Variants in UCHL3 observed in about 807,000 individuals in gnomAD.
UCHL3 encodes the protein ubiquitin carboxyl-terminal hydrolase isozyme L3.
In UCHL3, 22 loss-of-function variants were observed where a neutral mutation model predicts 35.8. That is an observed-to-expected ratio of 0.61 (90% confidence interval 0.44 to 0.88). The LOEUF is 0.88. UCHL3 is among the 40% of genes least tolerant of loss of function. UCHL3 has a pLI of 0.00. For missense variants in UCHL3, 229 were observed against 276.9 expected (o/e 0.83, Z 1.23); for synonymous variants, 90 against 92.8 (o/e 0.97, Z 0.17).
At chr13:75,605,104 A>G (rs961155771) in intron 8 of UCHL3, among the ~76,000 whole-genome samples, 3 of 152,244 alleles carry the variant, frequency 2.0e-5, no homozygotes, top group Non-Finnish European at 2.9e-5. Context: ...CCAGGATACC[A>G]TTAATTGTAT....
chr13:75,561,778 T>C (rs2031503734), intron 3 of UCHL3, among the ~76,000 whole-genome samples: 1 of 150,000 alleles, frequency 6.7e-6, no homozygotes, highest in Admixed American at 6.7e-5. Context: ...TGTGTATGTT[T>C]CTGTGTGTGT....
At chr13:75,590,526 A>C (rs1336535920) in intron 6 of UCHL3, among the ~76,000 whole-genome samples, 1 of 151,824 alleles carries the variant, frequency 6.6e-6, no homozygotes, top group Non-Finnish European at 1.5e-5. Context: ...CTATTACTTT[A>C]TTATTATTAT....
rs1442377975 is a variant in UCHL3 at position 75,590,155 on chromosome 13, T to G, written c.475-4760T>G. 7 of 1,288,272 alleles carry G rather than the reference T, an allele frequency of 5.4e-6. No homozygotes were observed. In the East Asian group the frequency reaches 3.9e-4, roughly 72 times the overall value. 79.8% of individuals were successfully genotyped at this position (1,288,272 alleles called of 1,614,324 possible). A position where few individuals can be genotyped will look rare whatever the true frequency, so the allele number is the denominator to read the frequency against. On this transcript the variant is annotated intron_variant, in intron 6 of 8. Transcript: ENST00000377595. ...GTAAGTTTAGTCAATCTTCCGTCTC[T>G]TCTTCCAGTGACAAGGGCTGTCTTT...
intron 2 of UCHL3, among the ~76,000 whole-genome samples, chr13:75,553,843 C>T (rs953876902): frequency 1.3e-5 from 2 of 152,146 alleles, no homozygotes; most frequent in Non-Finnish European, 2.9e-5. Context: ...TGCTCTAAAC[C>T]CTTTTCTTCC....
At chr13:75,569,797 C>G (rs368148784) in intron 6 of UCHL3, among the ~76,000 whole-genome samples, 1 of 152,206 alleles carries the variant, frequency 6.6e-6, no homozygotes, top group Admixed American at 6.5e-5. Flanking sequence ...TGTGTCTTCC[C>G]TATCAGATTC....
chr13:75,591,675 C>G (rs938346418), intron 6 of UCHL3, among the ~76,000 whole-genome samples: 3 of 152,100 alleles, frequency 2.0e-5, no homozygotes, highest in African/African-American at 7.2e-5. Flanking sequence ...GCACACTGCT[C>G]GGGTTTGAAT....
intron 6 of UCHL3, among the ~76,000 whole-genome samples, chr13:75,570,009 C>G (rs536852397): frequency 6.6e-6 from 1 of 152,270 alleles, no homozygotes; most frequent in African/African-American, 2.4e-5. Context: ...CCTTCTCTTG[C>G]CTCTTTTTTC....
chr13:75,573,955 C>T (rs1000343889), intron 6 of UCHL3, among the ~76,000 whole-genome samples: 6 of 152,286 alleles, frequency 3.9e-5, no homozygotes, highest in Admixed American at 2.6e-4. Context: ...CGGTGGCTCA[C>T]GCCTGTAATC....
chr13:75,580,547 G>A (rs1593745789), intron 6 of UCHL3, among the ~76,000 whole-genome samples: 1 of 152,260 alleles, frequency 6.6e-6, no homozygotes, highest in Non-Finnish European at 1.5e-5. Context: ...CAGCGGTCTT[G>A]TCCTCTCCCT....
Position 75,568,363 on chromosome 13 carries a change from TA to T in UCHL3, c.426+1060del, listed in dbSNP as rs978692928. On this transcript the variant is annotated intron_variant, in intron 5 of 8. Transcript: ENST00000377595. ...GAGAATTTTAAATTGTTTTTTTCTT[TA>T]AAAAAAAACTGGAGACTTCATAAAA... Among the ~76,000 whole-genome samples the T allele has an allele frequency of 4.6e-5, 7 of 150,838 alleles. No individual in the cohort carries two copies. In the East Asian group the frequency reaches 1.2e-3, roughly 25 times the overall value.
intron 2 of UCHL3, among the ~76,000 whole-genome samples, chr13:75,559,184 C>T (rs986342963): frequency 1.3e-5 from 2 of 151,944 alleles, no homozygotes; most frequent in East Asian, 1.9e-4. Context: ...GGAATACAGG[C>T]GCCAGCCACC....
At chr13:75,592,431 T>TGTATATACGTATATAC (rs1566227907) in intron 6 of UCHL3, among the ~76,000 whole-genome samples, 6 of 89,732 alleles carry the variant, frequency 6.7e-5, no homozygotes, top group Admixed American at 1.1e-4. Context: ...TATATATATA[T>TGTATATACGTATATAC]ATATATATAT....
chr13:75,555,419 C>A (rs1378253919), intron 2 of UCHL3, among the ~76,000 whole-genome samples: 2 of 152,156 alleles, frequency 1.3e-5, no homozygotes, highest in African/African-American at 4.8e-5. Context: ...AGCAGGGATG[C>A]GTCTGAAGTA....
chr13:75,592,188 A>G (rs2032493956), intron 6 of UCHL3, among the ~76,000 whole-genome samples: 1 of 151,192 alleles, frequency 6.6e-6, no homozygotes, highest in Admixed American at 6.6e-5. Context: ...TCACTTTTTA[A>G]TTCTTTGAGT....
chr13:75,558,448 TA>T lies in UCHL3; in HGVS notation c.55-2301del, dbSNP rs2138462442. 2.0e-5 allele frequency among the ~76,000 whole-genome samples: 3 copies of T among 152,356 alleles called. No homozygotes were observed. The East Asian group carries it at 5.8e-4, about 29-fold the overall frequency. On this transcript the variant is annotated intron_variant, in intron 2 of 8. Transcript: ENST00000377595. ...TGACTTTTAGTTTGCAGCACAGATG[TA>T]AAATTGCTCTGTTGTATGTACCATC...
Position 75,562,802 on chromosome 13 carries a change from G to A in UCHL3, c.183+1921G>A, listed in dbSNP as rs559300179. 1.5e-4 allele frequency among the ~76,000 whole-genome samples: 23 copies of A among 152,256 alleles called. 1 individual carries two copies. The highest frequency in any genetic ancestry group is 9.8e-4 in the Admixed American group (15 of 15,294). On this transcript the variant is annotated intron_variant, in intron 3 of 8. Transcript: ENST00000377595. ...AAGAACACAGTTCTAAAGTATTTGC[G>A]TAAGTAAATTTGTACTTACATAAGT... is the stretch of plus-strand genomic sequence containing the variant.
In UCHL3 at chr13:75,567,342, T is replaced by C. The variant is rs2031718336; in HGVS notation, c.426+30T>C. On this transcript the variant is annotated intron_variant, in intron 5 of 8. Transcript: ENST00000377595. ...GTACCTTCTTTCCGTTTTGATCTCATGTGGGCAAAAGTTTGTGGGATTGTA... is the reference window on the plus strand; with the variant it reads ...GTACCTTCTTTCCGTTTTGATCTCACGTGGGCAAAAGTTTGTGGGATTGTA... 2.5e-6 allele frequency: 4 copies of C among 1,602,844 alleles called. No homozygotes were observed. The South Asian group carries it at 3.3e-5, about 13-fold the overall frequency.
chr13:75,566,443 G>A (rs555212985), intron 3 of UCHL3, among the ~76,000 whole-genome samples: 14 of 152,272 alleles, frequency 9.2e-5, no homozygotes, highest in African/African-American at 2.9e-4. Flanking sequence ...GCCCTGTAAC[G>A]TGATCGTACA....
chr13:75,579,312 G>C (rs2032113354), intron 6 of UCHL3, among the ~76,000 whole-genome samples: 1 of 152,070 alleles, frequency 6.6e-6, no homozygotes. Context: ...TTTGTCAAAA[G>C]TCTGAAACTG....
Sources: gnomAD v4.1 joint callset for allele counts (sites outside exome capture counted in the v4.1 genomes callset) on GRCh38, gnomAD v4.1.1 for gene constraint, MANE v1.5 for transcripts, NCBI Gene and HGNC (gene_info 2026-07-23, HGNC 2026-07-21) for gene names.